The following SH3PXD2A variants were observed in gnomAD, a reference collection of about 807,000 sequenced individuals.
SH3PXD2A encodes SH3 and PX domains 2A.
A neutral mutation model predicts 115.2 loss-of-function variants in SH3PXD2A; 32 were observed. That is an observed-to-expected ratio of 0.28 (90% CI 0.21 to 0.37). SH3PXD2A has a LOEUF of 0.37. Among genes scored for constraint, SH3PXD2A ranks in the 10% least tolerant of loss-of-function variants. The pLI is 1.00. For synonymous variants in SH3PXD2A, 610 were observed against 629.1 expected (o/e 0.97, Z 0.45); for missense variants, 1,328 against 1,498.7 (o/e 0.89, Z 1.88).
intron 2 of SH3PXD2A, among the ~76,000 whole-genome samples, chr10:103,771,278 G>A (rs1294019632): frequency 1.3e-5 from 2 of 152,156 alleles, no homozygotes; most frequent in Non-Finnish European, 2.9e-5. Context: ...TATGTTCTCC[G>A]ACTCCTCCAT....
chr10:103,603,719 G>T lies in SH3PXD2A; in HGVS notation c.1499C>A (p.Ser500Ter). ...GGGCTTCTTGCGCTTATCGATGTATGATGCGGGGGCCCAGCCCTCCTTCTC... is the reference window on the plus strand; with the variant it reads ...GGGCTTCTTGCGCTTATCGATGTATTATGCGGGGGCCCAGCCCTCCTTCTC... Reference protein sequence around the residue: ...IGEKEGWAPASYIDKRKKPNL... With the variant: ...IGEKEGWAPA Residue 500 changes from serine (S) to a stop codon, truncating the protein, a stop_gained, in exon 15 of 15, where the codon TCA becomes TAA. Coordinates refer to ENST00000369774, the MANE Select transcript of SH3PXD2A (RefSeq NM_001394015.1). LOFTEE classifies it high-confidence loss of function. 6.2e-7 allele frequency: 1 copy of T among 1,611,054 alleles called. No individual in the cohort carries two copies.
At chr10:103,712,328 C>T (rs547328801) in intron 5 of SH3PXD2A, among the ~76,000 whole-genome samples, 5 of 152,310 alleles carry the variant, frequency 3.3e-5, no homozygotes, top group East Asian at 3.9e-4. Context: ...TAGCCATCTG[C>T]GTGCCCTCTG....
At chr10:103,843,167 A>G (rs555025990) in intron 1 of SH3PXD2A, among the ~76,000 whole-genome samples, 2 of 152,344 alleles carry the variant, frequency 1.3e-5, no homozygotes, top group Non-Finnish European at 2.9e-5. Context: ...ACTGAGGCCC[A>G]GGAGGTGAAG....
chr10:103,731,643 A>G (rs2038321140), intron 4 of SH3PXD2A, among the ~76,000 whole-genome samples: 1 of 151,862 alleles, frequency 6.6e-6, no homozygotes, highest in Non-Finnish European at 1.5e-5. Context: ...TCTGCCTAAG[A>G]CTCCCCATTG....
At chr10:103,677,472 G>A (rs888226988) in intron 6 of SH3PXD2A, among the ~76,000 whole-genome samples, 2 of 152,130 alleles carry the variant, frequency 1.3e-5, no homozygotes, top group African/African-American at 4.8e-5. Context: ...CTGGCTGGAC[G>A]CTGCCATCCA....
chr10:103,716,149 G>A (rs1310374156), intron 5 of SH3PXD2A, among the ~76,000 whole-genome samples: 1 of 152,134 alleles, frequency 6.6e-6, no homozygotes, highest in Non-Finnish European at 1.5e-5. Context: ...GCCTCCCTCA[G>A]TGTCCTAAGC....
intron 1 of SH3PXD2A, among the ~76,000 whole-genome samples, chr10:103,828,792 C>T (rs1039664488): frequency 3.3e-5 from 5 of 152,210 alleles, no homozygotes; most frequent in Admixed American, 6.5e-5. Flanking sequence ...TTCTGTACTT[C>T]GTCCTCTCTC....
At position 103,718,760 on chromosome 10, in the gene SH3PXD2A, G is replaced by GACACACACAC. The variant is rs55844048; in HGVS notation, c.398+5500_398+5509dup. Among the ~76,000 whole-genome samples, 1,096 of 128,404 alleles carry GACACACACAC rather than the reference G, an allele frequency of 8.5e-3. 11 individuals carry two copies. Among genetic ancestry groups the GACACACACAC allele is most frequent in the Admixed American group, 0.017 (213 of 12,738 alleles). The allele number at this position is 128,404 out of a possible 152,430, so 84.2% of individuals were successfully genotyped here. A position where few individuals can be genotyped will look rare whatever the true frequency, so the allele number is the denominator to read the frequency against. ...TGCTCCCCTCCCTCCCCCCAATCAG[G>GACACACACAC]ACACACACACACACACACACACACA... On this transcript the variant is annotated intron_variant, in intron 5 of 14. Transcript: ENST00000369774.
At position 103,627,636 on chromosome 10, in the gene SH3PXD2A, C is replaced by T. The variant is rs578158337; in HGVS notation, c.605-434G>A. 2.0e-5 allele frequency among the ~76,000 whole-genome samples: 3 copies of T among 152,332 alleles called. No individual in the cohort carries two copies. The highest frequency in any genetic ancestry group is 7.2e-5 in the African/African-American group (3 of 41,582). On this transcript the variant is annotated intron_variant, in intron 8 of 14. Coordinates refer to ENST00000369774, the MANE Select transcript of SH3PXD2A (RefSeq NM_001394015.1). The surrounding 1 kb of genome is among the most constrained non-coding windows in gnomAD (Gnocchi z 4.4). Reference sequence around the variant, plus strand: ...AAGCTAAGTGCCTCACAGACAGTCTCTAACGGTCAACGGTTGCCTTTTCCC... The same window carrying T: ...AAGCTAAGTGCCTCACAGACAGTCTTTAACGGTCAACGGTTGCCTTTTCCC...
At position 103,595,217 on chromosome 10, in the gene SH3PXD2A, C is replaced by T. The variant is rs2036116435; in HGVS notation, c.*6599G>A. 1 of 152,184 alleles carries T rather than the reference C, an allele frequency of 6.6e-6. No individual in the cohort carries two copies. Among genetic ancestry groups the T allele is most frequent in the Admixed American group, 6.5e-5 (1 of 15,280 alleles). 9.4% of individuals were successfully genotyped at this position (152,184 alleles called of 1,614,324 possible). ...TGGCCCAATGAGTGGCAGTTTTTTC[C>T]TAGCCAGTTTCTGTGGCCAAATTTG... On this transcript the variant is annotated 3_prime_UTR_variant, in exon 15 of 15. Transcript: ENST00000369774.
intron 8 of SH3PXD2A, among the ~76,000 whole-genome samples, chr10:103,637,730 G>A (rs149657794): frequency 5.4e-4 from 82 of 152,270 alleles, no homozygotes; most frequent in Middle Eastern, 6.8e-3. Flanking sequence ...TCCAAGTGGC[G>A]ACGGGTGGGG....
intron 8 of SH3PXD2A, among the ~76,000 whole-genome samples, chr10:103,632,346 T>C (rs1015378572): frequency 6.6e-6 from 1 of 152,182 alleles, no homozygotes; most frequent in African/African-American, 2.4e-5. Flanking sequence ...CTGAGCCACA[T>C]CCAGGGGTTC....
intron 1 of SH3PXD2A, among the ~76,000 whole-genome samples, chr10:103,846,542 A>C (rs1271896785): frequency 1.3e-5 from 2 of 152,164 alleles, no homozygotes; most frequent in Non-Finnish European, 2.9e-5. Context: ...TGCCCTAGAT[A>C]ATTAAGAACC....
intron 1 of SH3PXD2A, among the ~76,000 whole-genome samples, chr10:103,802,066 C>T (rs1444263752): frequency 6.6e-6 from 1 of 152,176 alleles, no homozygotes; most frequent in Non-Finnish European, 1.5e-5. Flanking sequence ...CTATAAGAGG[C>T]CCTCCGAAAT....
chr10:103,818,302 C>T (rs1021218288), intron 1 of SH3PXD2A, among the ~76,000 whole-genome samples: 3 of 152,186 alleles, frequency 2.0e-5, no homozygotes, highest in Admixed American at 6.5e-5. Flanking sequence ...TGTGGGTAGA[C>T]GCCATGCTAT....
intron 1 of SH3PXD2A, among the ~76,000 whole-genome samples, chr10:103,844,736 A>C (rs144015182): frequency 9.7e-4 from 148 of 152,316 alleles, no homozygotes; most frequent in African/African-American, 3.4e-3. Context: ...GCACTCTCCA[A>C]ACCTCAGGTT....
At chr10:103,630,364 T>C (rs10883891) in intron 8 of SH3PXD2A, among the ~76,000 whole-genome samples, 37,372 of 152,150 alleles carry the variant, frequency 0.25, 5,549 homozygotes, top group African/African-American at 0.41. Context: ...AGGGCTTTCC[T>C]GTCTCCCTGG....
intron 8 of SH3PXD2A, among the ~76,000 whole-genome samples, chr10:103,631,830 G>C (rs1170745617): frequency 3.9e-5 from 6 of 152,140 alleles, no homozygotes; most frequent in Admixed American, 3.9e-4. Flanking sequence ...TCTAATGTCA[G>C]TAGCGGTCAG....
chr10:103,628,434 G>C (rs2036730358), intron 8 of SH3PXD2A, among the ~76,000 whole-genome samples: 1 of 151,868 alleles, frequency 6.6e-6, no homozygotes, highest in African/African-American at 2.4e-5. Context: ...CTGGACTCTT[G>C]AGGTCCAGGC....
Sources: gnomAD v4.1 joint callset for allele counts (sites outside exome capture counted in the v4.1 genomes callset) on GRCh38, gnomAD v4.1.1 for gene constraint, Gnocchi (gnomAD v3.1) non-coding constraint, MANE v1.5 for transcripts, NCBI Gene and HGNC (gene_info 2026-07-23, HGNC 2026-07-21) for gene names.